Variants in ZNF536 observed in about 807,000 individuals in gnomAD.
ZNF536 encodes the protein zinc finger protein 536.
ZNF536 carries 13 observed loss-of-function variants against 84.5 expected under a neutral mutation model. The ratio of observed to expected loss-of-function variants is 0.15; its 90% CI spans 0.10 to 0.24. The LOEUF is 0.24. ZNF536 is among the 10% of genes least tolerant of loss of function. The pLI, the probability that ZNF536 is intolerant of heterozygous loss-of-function variation, is 1.00. For synonymous variants in ZNF536, 811 were observed against 742.5 expected, an observed-to-expected ratio of 1.09 and a Z score of -1.50; for missense variants, 1,536 against 1,747.5, an observed-to-expected ratio of 0.88 and a Z score of 2.16.
At chr19:30,365,627 C>T (rs2048403979) in intron 3 of ZNF536, among the ~76,000 whole-genome samples, 3 of 152,196 alleles carry the variant, frequency 2.0e-5, no homozygotes, top group Admixed American at 6.5e-5. Context: ...AGCAAGGACT[C>T]CCGTGGAGGT....
intron 1 of ZNF536, among the ~76,000 whole-genome samples, chr19:30,635,849 A>G (rs2049045508): frequency 6.6e-6 from 1 of 152,196 alleles, no homozygotes; most frequent in African/African-American, 2.4e-5. Flanking sequence ...GACACTGCGG[A>G]GAGCGCTTAC....
At chr19:30,388,782 A>T (rs970097065) in intron 1 of ZNF536, among the ~76,000 whole-genome samples, 1 of 152,158 alleles carries the variant, frequency 6.6e-6, no homozygotes, top group African/African-American at 2.4e-5. Flanking sequence ...TTTCTTGGTT[A>T]ATTTATAGTA....
chr19:30,610,308 C>T (rs1407616942), intron 1 of ZNF536, among the ~76,000 whole-genome samples: 1 of 152,108 alleles, frequency 6.6e-6, no homozygotes, highest in Non-Finnish European at 1.5e-5. Context: ...TGACGGCAAC[C>T]ATATTTCCAT....
chr19:30,583,423 T>C (rs372361332), intron 1 of ZNF536, among the ~76,000 whole-genome samples: 1 of 152,282 alleles, frequency 6.6e-6, no homozygotes, highest in African/African-American at 2.4e-5. Flanking sequence ...AGAGAGGCCA[T>C]TGGCAAGCCA....
chr19:30,656,268 A>T (rs1260402016), intron 1 of ZNF536, among the ~76,000 whole-genome samples: 1 of 152,196 alleles, frequency 6.6e-6, no homozygotes, highest in African/African-American at 2.4e-5. Context: ...TATATGATGA[A>T]TTTAATTCTT....
chr19:30,248,224 C>CTTTTTTTTTTTTTTTTTTTTT (rs58799737), intron 1 of ZNF536, among the ~76,000 whole-genome samples: 1 of 131,004 alleles, frequency 7.6e-6, no homozygotes, highest in Non-Finnish European at 1.6e-5. Flanking sequence ...TCTTTTCTTT[C>CTTTTTTTTTTTTTTTTTTTTT]TTTTTTTTTT....
chr19:30,648,151 G>C (rs2049547885), intron 1 of ZNF536, among the ~76,000 whole-genome samples: 1 of 152,060 alleles, frequency 6.6e-6, no homozygotes, highest in East Asian at 1.9e-4. Flanking sequence ...ACTAAAAAGG[G>C]CTGCTCCATG....
At chr19:30,401,578 A>C (rs1219923261) in intron 1 of ZNF536, among the ~76,000 whole-genome samples, 1 of 152,256 alleles carries the variant, frequency 6.6e-6, no homozygotes, top group East Asian at 1.9e-4. Context: ...TTGCTTACAC[A>C]TGTTCTCAGA....
At chr19:30,441,606 T>C (rs1325321825) in intron 1 of ZNF536, among the ~76,000 whole-genome samples, 1 of 152,218 alleles carries the variant, frequency 6.6e-6, no homozygotes, top group African/African-American at 2.4e-5. Flanking sequence ...ATTAGCTTTT[T>C]TCTGACCAAC....
At chr19:30,496,194 T>C (rs995598963) in intron 2 of ZNF536, among the ~76,000 whole-genome samples, 3 of 152,130 alleles carry the variant, frequency 2.0e-5, no homozygotes, top group African/African-American at 7.2e-5. Flanking sequence ...TACCATGCAA[T>C]GATCCTGGGC....
intron 2 of ZNF536, among the ~76,000 whole-genome samples, chr19:30,504,901 G>T (rs551559680): frequency 6.9e-4 from 105 of 152,180 alleles, no homozygotes; most frequent in African/African-American, 2.5e-3. Context: ...TCCAGAGAAA[G>T]AAAAACAAAT....
chr19:30,303,200 A>G (rs1479901344), intron 2 of ZNF536, among the ~76,000 whole-genome samples: 1 of 151,970 alleles, frequency 6.6e-6, no homozygotes, highest in Non-Finnish European at 1.5e-5. Flanking sequence ...AGAGCACACC[A>G]CCTTGTGTCT....
intron 1 of ZNF536, among the ~76,000 whole-genome samples, chr19:30,572,786 T>C (rs1187869621): frequency 6.6e-6 from 1 of 152,100 alleles, no homozygotes. Context: ...AAGGTCAGGA[T>C]TCTATACCCC....
intron 3 of ZNF536, among the ~76,000 whole-genome samples, chr19:30,354,782 T>A (rs1461926050): frequency 6.6e-6 from 1 of 152,168 alleles, no homozygotes; most frequent in Non-Finnish European, 1.5e-5. Flanking sequence ...GCAGAGAACA[T>A]GTGAGCACCA....
chr19:30,692,283 T>A (rs1226963172), intron 1 of ZNF536, among the ~76,000 whole-genome samples: 1 of 152,222 alleles, frequency 6.6e-6, no homozygotes, highest in Non-Finnish European at 1.5e-5. Context: ...TGAGCAGTTA[T>A]AATAATATAT....
Position 30,657,963 on chromosome 19 carries a change from A to C in ZNF536, c.170-52794A>C, listed in dbSNP as rs138827752. On this transcript the variant is annotated intron_variant, in intron 1 of 1. Transcript: ENST00000592773. ...CGCTTCAGCTAGAAGGAACTTCTGGAAATGTAAATCAGACCATATATCCTC... is the reference window on the plus strand; with the variant it reads ...CGCTTCAGCTAGAAGGAACTTCTGGCAATGTAAATCAGACCATATATCCTC... 7.7e-3 allele frequency among the ~76,000 whole-genome samples: 1,165 copies of C among 152,206 alleles called. 17 individuals carry two copies. The highest frequency in any genetic ancestry group is 0.026 in the African/African-American group (1,095 of 41,524).
chr19:30,454,713 A>G lies in ZNF536; in HGVS notation c.2170+8981A>G, dbSNP rs76542646. On this transcript the variant is annotated intron_variant, in intron 2 of 4. Transcript: ENST00000355537. ...CTGGCTGGGGCCAGACCCCTCGGAA[A>G]TGTCCTTTTTAGTGACCTTCAAAAC... is the stretch of plus-strand genomic sequence containing the variant. Among the ~76,000 whole-genome samples, 1,134 of 152,290 alleles carry G rather than the reference A, an allele frequency of 7.4e-3. 42 individuals carry two copies. Among genetic ancestry groups the G allele is most frequent in the East Asian group, 0.063 (326 of 5,166 alleles).
chr19:30,337,139 C>G (rs1342805477), intron 2 of ZNF536, among the ~76,000 whole-genome samples: 2 of 152,056 alleles, frequency 1.3e-5, no homozygotes, highest in Non-Finnish European at 2.9e-5. Context: ...AGTCACTTTC[C>G]TACTACTCAA....
chr19:30,517,557 T>C (rs73024811), intron 2 of ZNF536, among the ~76,000 whole-genome samples: 14,711 of 152,178 alleles, frequency 0.097, 981 homozygotes, highest in Non-Finnish European at 0.15. Context: ...GAGTGAAATG[T>C]CCCAAATTTG....
Sources: gnomAD v4.1 joint callset for allele counts (sites outside exome capture counted in the v4.1 genomes callset) on GRCh38, gnomAD v4.1.1 for gene constraint, MANE v1.5 for transcripts, NCBI Gene and HGNC (gene_info 2026-07-23, HGNC 2026-07-21) for gene names.